The following PCDHGA5 variants were observed in gnomAD, a reference collection of about 807,000 sequenced individuals.
PCDHGA5 encodes protocadherin gamma-A5.
In PCDHGA5, 36 loss-of-function variants were observed where a neutral mutation model predicts 56.7. That is an observed-to-expected ratio of 0.64 (90% CI 0.49 to 0.84). The LOEUF is 0.84. Among genes scored for constraint, PCDHGA5 ranks in the 40% least tolerant of loss-of-function variants. The pLI, the probability that PCDHGA5 is intolerant of heterozygous loss-of-function variation, is 0.00. For synonymous variants in PCDHGA5, 563 were observed against 520.2 expected, an observed-to-expected ratio of 1.08 and a Z score of -1.12; for missense variants, 1,305 against 1,201.5, an observed-to-expected ratio of 1.09 and a Z score of -1.27.
intron 1 of PCDHGA5, chr5:141,394,278 T>C: frequency 6.2e-7 from 1 of 1,613,924 alleles, no homozygotes; most frequent in Non-Finnish European, 8.5e-7. Context: ...CCAGGTCACT[T>C]ACTCTGTGAC....
At position 141,511,108 on chromosome 5, in the gene PCDHGA5, G is replaced by A; in HGVS notation, c.2731G>A (p.Asp911Asn). The A allele has an allele frequency of 6.2e-7, 1 of 1,614,244 alleles. No homozygotes were observed. The highest frequency in any genetic ancestry group is 2.2e-5 in the East Asian group (1 of 44,882). Residue 911 changes from aspartate (D) to asparagine (N), a missense_variant, in exon 4 of 4, where the codon GAT (aspartate) becomes AAT (asparagine). Physicochemically the swap from Asp to Asn is conservative, Grantham distance 23. Coordinates refer to ENST00000518069, the MANE Select transcript of PCDHGA5 (RefSeq NM_018918.3). ...ATLTNAAGKR[D>N]GKAPAGGNGN... Reference sequence around the variant, plus strand: ...ACTGACCAACGCAGCTGGCAAGCGGGATGGCAAGGCCCCAGCAGGTGGCAA... The same window carrying A: ...ACTGACCAACGCAGCTGGCAAGCGGAATGGCAAGGCCCCAGCAGGTGGCAA...
intron 1 of PCDHGA5, chr5:141,375,266 G>C: frequency 6.2e-7 from 1 of 1,613,846 alleles, no homozygotes. Flanking sequence ...ATTTGAATTG[G>C]AAAAATCAGT....
At chr5:141,371,972 T>A in intron 1 of PCDHGA5, 1 of 1,613,166 alleles carries the variant, frequency 6.2e-7, no homozygotes, top group Non-Finnish European at 8.5e-7. Context: ...AGCAGCTGCG[T>A]GCCTTCGAGC....
Position 141,476,758 on chromosome 5 carries a change from G to A in PCDHGA5, c.2422-18049G>A. On this transcript the variant is annotated intron_variant, in intron 1 of 3. Transcript: ENST00000518069. The surrounding 1 kb of genome is among the most constrained non-coding windows in gnomAD (Gnocchi z 7.6). Reference sequence around the variant, plus strand: ...GGGAGCCTAGTCTCCAGTTAGTGCTGACGGCGTTGGACGGAGGGACCCCAG... The same window carrying A: ...GGGAGCCTAGTCTCCAGTTAGTGCTAACGGCGTTGGACGGAGGGACCCCAG... 1 of 1,613,868 alleles carries A rather than the reference G, an allele frequency of 6.2e-7. No homozygotes were observed. The highest frequency in any genetic ancestry group is 1.1e-5 in the South Asian group (1 of 91,086).
chr5:141,453,746 T>C (rs1345046460), intron 1 of PCDHGA5, among the ~76,000 whole-genome samples: 1 of 152,254 alleles, frequency 6.6e-6, no homozygotes, highest in Non-Finnish European at 1.5e-5. Flanking sequence ...TTAAATAACA[T>C]AAGTCTCCTA....
rs1364068033 is a variant in PCDHGA5 at position 141,490,353 on chromosome 5, G to A, written c.2422-4454G>A. 3.1e-6 allele frequency: 5 copies of A among 1,614,090 alleles called. No individual in the cohort carries two copies. The highest frequency in any genetic ancestry group is 4.2e-6 in the Non-Finnish European group (5 of 1,180,046). On this transcript the variant is annotated intron_variant, in intron 1 of 3. Transcript: ENST00000518069. This position sits in a 1 kb window ranked among gnomAD's most constrained non-coding sequence, Gnocchi z 5.4. ...CACCAGTGGGCACAGTAGTGGGGTT[G>A]TTTAATGTGCGAGACCGGGACTCAG...
chr5:141,491,071 C>A lies in PCDHGA5; in HGVS notation c.2422-3736C>A, dbSNP rs987564933. ...TGCGTGGCTCTCCTACTCACTGTTG[C>A]CACAGTCCACAGCCCCAGGACTGTT... On this transcript the variant is annotated intron_variant, in intron 1 of 3. Transcript: ENST00000518069. This position sits in a 1 kb window ranked among gnomAD's most constrained non-coding sequence, Gnocchi z 6.9. 2 of 1,614,034 alleles carry A rather than the reference C, an allele frequency of 1.2e-6. No individual in the cohort carries two copies. The highest frequency in any genetic ancestry group is 1.7e-6 in the Non-Finnish European group (2 of 1,180,036).
chr5:141,511,537 A>C lies in PCDHGA5; in HGVS notation c.*364A>C. 6.3e-6 allele frequency: 2 copies of C among 319,254 alleles called. No individual in the cohort carries two copies. The highest frequency in any genetic ancestry group is 6.7e-5 in the South Asian group (2 of 29,854). 19.8% of individuals were successfully genotyped at this position (319,254 alleles called of 1,614,324 possible). A position where few individuals can be genotyped will look rare whatever the true frequency, so the allele number is the denominator to read the frequency against. On this transcript the variant is annotated 3_prime_UTR_variant, in exon 4 of 4. Transcript: ENST00000518069. ...TCCATCCCATGCCTCCCTCCTCCCC[A>C]CCCCACTCCAACAGTTCCTCTTTCC... is the stretch of plus-strand genomic sequence containing the variant.
intron 1 of PCDHGA5, chr5:141,422,116 T>G (rs753281558): frequency 1.2e-6 from 2 of 1,604,612 alleles, no homozygotes; most frequent in African/African-American, 1.3e-5. Flanking sequence ...CCAATTGGAT[T>G]CACAAACTGG....
intron 1 of PCDHGA5, chr5:141,383,523 C>A (rs1337208290): frequency 1.2e-6 from 2 of 1,612,324 alleles, no homozygotes; most frequent in African/African-American, 2.7e-5. Flanking sequence ...AGCGGGTTCA[C>A]CACCTGGTCC....
chr5:141,399,336 T>C, intron 1 of PCDHGA5: 2 of 1,613,976 alleles, frequency 1.2e-6, no homozygotes, highest in Non-Finnish European at 1.7e-6. Context: ...TGGTAACAGA[T>C]GGAACCCTAG....
chr5:141,431,932 C>T lies in PCDHGA5; in HGVS notation c.2422-62875C>T. 2 of 1,614,172 alleles carry T rather than the reference C, an allele frequency of 1.2e-6. No individual in the cohort carries two copies. The highest frequency in any genetic ancestry group is 1.7e-6 in the Non-Finnish European group (2 of 1,180,002). On this transcript the variant is annotated intron_variant, in intron 1 of 3. Coordinates refer to ENST00000518069, the MANE Select transcript of PCDHGA5 (RefSeq NM_018918.3). This position sits in a 1 kb window ranked among gnomAD's most constrained non-coding sequence, Gnocchi z 4.8. The stretch of plus-strand genomic sequence containing the variant: ...TCTGTTTCATCCAAGGAAATCTGCC[C>T]TTTAAATTAGAAAAATCTTACGGAA...
chr5:141,492,296 G>GACGC lies in PCDHGA5; in HGVS notation c.2422-2500_2422-2497dup, dbSNP rs540417011. 9.7e-4 allele frequency among the ~76,000 whole-genome samples: 148 copies of GACGC among 152,328 alleles called. 2 individuals are homozygous for GACGC. In the South Asian group the frequency reaches 0.014, roughly 14 times the overall value. ...GCCACGCCCCGCCAACACGTGCGCGGACGCACGCACGCACTCCTCGCACGT... is the reference window on the plus strand; with the variant it reads ...GCCACGCCCCGCCAACACGTGCGCGGACGCACGCACGCACGCACTCCTCGCACGT... On this transcript the variant is annotated intron_variant, in intron 1 of 3. Transcript: ENST00000518069.
At chr5:141,414,888 C>T (rs1452402953) in intron 1 of PCDHGA5, 2 of 1,614,210 alleles carry the variant, frequency 1.2e-6, no homozygotes, top group Non-Finnish European at 1.7e-6. Flanking sequence ...ACCCCGCCCT[C>T]CCCACAGACG....
chr5:141,365,002 C>A lies in PCDHGA5; in HGVS notation c.672C>A (p.Gly224=). 6.2e-7 allele frequency: 1 copy of A among 1,613,918 alleles called. No individual in the cohort carries two copies. Among genetic ancestry groups the A allele is most frequent in the African/African-American group, 1.3e-5 (1 of 75,048 alleles). ...ATGGCGGAGACCCGGTACTCTCCGG[C>A]ACCACGCACATCCGTGTTACGGTCC... ...ALDGGDPVLS[G]TTHIRVTVLD... The change falls in exon 1 of 4, where the codon GGC becomes GGA. Residue 224 remains glycine, a synonymous_variant. Coordinates refer to ENST00000518069, the MANE Select transcript of PCDHGA5 (RefSeq NM_018918.3).
In PCDHGA5 at chr5:141,432,929, C is replaced by T. The variant is rs759937939; in HGVS notation, c.2422-61878C>T. On this transcript the variant is annotated intron_variant, in intron 1 of 3. Coordinates refer to ENST00000518069, the MANE Select transcript of PCDHGA5 (RefSeq NM_018918.3). This position sits in a 1 kb window ranked among gnomAD's most constrained non-coding sequence, Gnocchi z 6.0. ...GCTGCGGCGCTGGCACAAGTCACGCCTGCTGCAGGCTTCAGGAGGCGGCTT... is the reference window on the plus strand; with the variant it reads ...GCTGCGGCGCTGGCACAAGTCACGCTTGCTGCAGGCTTCAGGAGGCGGCTT... The T allele has an allele frequency of 6.2e-7, 1 of 1,614,078 alleles. No individual in the cohort carries two copies. Among genetic ancestry groups the T allele is most frequent in the African/African-American group, 1.3e-5 (1 of 74,948 alleles).
intron 1 of PCDHGA5, chr5:141,375,344 A>T: frequency 6.2e-7 from 1 of 1,613,836 alleles, no homozygotes; most frequent in South Asian, 1.1e-5. Context: ...GTACAACATC[A>T]CTGTGACAGC....
At chr5:141,484,931 A>ACGTT (rs1464416110) in intron 1 of PCDHGA5, 2 of 498,000 alleles carry the variant, frequency 4.0e-6, no homozygotes, top group Non-Finnish European at 7.2e-6. Flanking sequence ...TGCTGTTGGG[A>ACGTT]CGTTCTCTGC....
Position 141,432,093 on chromosome 5 carries a change from C to G in PCDHGA5, c.2422-62714C>G. On this transcript the variant is annotated intron_variant, in intron 1 of 3. Coordinates refer to ENST00000518069, the MANE Select transcript of PCDHGA5 (RefSeq NM_018918.3). This position sits in a 1 kb window ranked among gnomAD's most constrained non-coding sequence, Gnocchi z 6.0. ...CATATCTCGCTGAACGTGGCAGACA[C>G]CAACGACAACCCGCCGGTCTTCCCT... 1 of 1,614,170 alleles carries G rather than the reference C, an allele frequency of 6.2e-7. No individual in the cohort carries two copies. The highest frequency in any genetic ancestry group is 8.5e-7 in the Non-Finnish European group (1 of 1,180,046).
Sources: allele counts gnomAD v4.1 joint callset (sites outside exome capture counted in the v4.1 genomes callset), GRCh38; gene constraint gnomAD v4.1.1; non-coding constraint Gnocchi (gnomAD v3.1); transcripts MANE v1.5; gene names NCBI Gene and HGNC (gene_info 2026-07-23, HGNC 2026-07-21).